DIP2C: variants seen among roughly 807,000 people sequenced by gnomAD.
The protein encoded by DIP2C is disco-interacting protein 2 homolog C.
DIP2C carries 33 observed loss-of-function variants against 192.4 expected under a neutral mutation model. The ratio of observed to expected loss-of-function variants is 0.17; its 90% CI spans 0.13 to 0.23. The LOEUF is 0.23. DIP2C is among the 10% of genes least tolerant of loss of function. The pLI, the probability that DIP2C is intolerant of heterozygous loss-of-function variation, is 1.00. For synonymous variants in DIP2C, 979 were observed against 864.1 expected, an observed-to-expected ratio of 1.13 and a Z score of -2.33; for missense variants, 1,537 against 2,110.1, an observed-to-expected ratio of 0.73 and a Z score of 5.32.
chr10:580,629 G>A lies in DIP2C; in HGVS notation c.86-94099C>T, dbSNP rs116961653. Among the ~76,000 whole-genome samples the A allele has an allele frequency of 3.2e-3, 487 of 152,140 alleles. 3 individuals are homozygous for A. Among genetic ancestry groups the A allele is most frequent in the Admixed American group, 6.8e-3 (104 of 15,294 alleles). Reference sequence around the variant, plus strand: ...CATGTACAATGGCAATACATAGTACGCATACACCACATACAAGTACACATT... The same window carrying A: ...CATGTACAATGGCAATACATAGTACACATACACCACATACAAGTACACATT... On this transcript the variant is annotated intron_variant, in intron 1 of 36. Transcript: ENST00000280886.
At chr10:325,616 T>C (rs1957239250) in intron 31 of DIP2C, among the ~76,000 whole-genome samples, 1 of 152,230 alleles carries the variant, frequency 6.6e-6, no homozygotes, top group Admixed American at 6.5e-5. Context: ...CTGCATTTCC[T>C]ATTTCTCCTA....
At chr10:662,914 G>T (rs925305828) in intron 1 of DIP2C, 1 of 717,424 alleles carries the variant, frequency 1.4e-6, no homozygotes, top group African/African-American at 1.7e-5. Flanking sequence ...ACACTCTCGG[G>T]AGAGGTGGAT....
At chr10:617,130 G>A (rs902624307) in intron 1 of DIP2C, among the ~76,000 whole-genome samples, 1 of 151,960 alleles carries the variant, frequency 6.6e-6, no homozygotes, top group South Asian at 2.1e-4. Flanking sequence ...AGACCTCCCA[G>A]GCACTGCCTC....
Position 689,470 on chromosome 10 carries a change from G to C in DIP2C, c.85+24C>G. 1.7e-6 allele frequency: 2 copies of C among 1,157,744 alleles called. No individual in the cohort carries two copies. The highest frequency in any genetic ancestry group is 2.1e-6 in the Non-Finnish European group (2 of 930,876). 71.7% of individuals were successfully genotyped at this position (1,157,744 alleles called of 1,614,324 possible). A position where few individuals can be genotyped will look rare whatever the true frequency, so the allele number is the denominator to read the frequency against. The stretch of plus-strand genomic sequence containing the variant: ...GCCCTCCCCGGTGACAGCGCGGCCC[G>C]GCCCGGGGCGGGGGCCCGGTTACCT... On this transcript the variant is annotated intron_variant, in intron 1 of 36. Coordinates refer to ENST00000280886, the MANE Select transcript of DIP2C (RefSeq NM_014974.3). This position sits in a 1 kb window ranked among gnomAD's most constrained non-coding sequence, Gnocchi z 6.1.
At chr10:596,838 G>A (rs1851738364) in intron 1 of DIP2C, among the ~76,000 whole-genome samples, 1 of 152,212 alleles carries the variant, frequency 6.6e-6, no homozygotes, top group Non-Finnish European at 1.5e-5. Context: ...CCACTGCCCA[G>A]GACAAAGACA....
intron 28 of DIP2C, 48 bp downstream of exon 28, chr10:344,761 C>T (rs777625826): frequency 1.1e-5 from 17 of 1,504,766 alleles, no homozygotes; most frequent in Middle Eastern, 2.3e-4. Flanking sequence ...ACCTCCAGCA[C>T]GCTCCGCAGT....
At chr10:341,594 G>A (rs553519686) in intron 28 of DIP2C, among the ~76,000 whole-genome samples, 2 of 152,154 alleles carry the variant, frequency 1.3e-5, no homozygotes, top group Non-Finnish European at 2.9e-5. Flanking sequence ...TCAGACACCC[G>A]GGACAATACG....
In DIP2C at chr10:440,872, T is replaced by C; in HGVS notation, c.393A>G (p.Pro131=). ...VQTSMDAYTP[P]DTSSGSEDEG... ...CGTGTCGGGGAGCGTGTCCCTTACC[T>C]GGAGGGGTGTAGGCGTCCATCGAGG... Residue 131 remains proline (P), a splice_region_variant and synonymous_variant, in exon 4 of 37, where the codon CCA becomes CCG. Transcript: ENST00000280886. 1.9e-6 allele frequency: 3 copies of C among 1,612,106 alleles called. No individual in the cohort carries two copies. Among genetic ancestry groups the C allele is most frequent in the Non-Finnish European group, 1.7e-6 (2 of 1,179,612 alleles).
intron 31 of DIP2C, among the ~76,000 whole-genome samples, chr10:316,357 GA>G (rs1443517274): frequency 2.0e-5 from 3 of 152,180 alleles, no homozygotes; most frequent in Non-Finnish European, 4.4e-5. Context: ...ACTGACACTG[GA>G]TGTCTTCTAT....
intron 1 of DIP2C, among the ~76,000 whole-genome samples, chr10:524,935 T>C (rs1846959967): frequency 8.2e-6 from 1 of 122,480 alleles, no homozygotes; most frequent in Admixed American, 8.0e-5. Context: ...GAGGAGATGG[T>C]CTAGACACAC....
rs1055556145 is a variant in DIP2C at position 306,071 on chromosome 10, TATG to T, written c.3986+3957_3986+3959del. 5.3e-5 allele frequency among the ~76,000 whole-genome samples: 8 copies of T among 152,044 alleles called. No homozygotes were observed. In the South Asian group the frequency reaches 1.0e-3, roughly 20 times the overall value. The stretch of plus-strand genomic sequence containing the variant: ...CCAAATTGGAAGTCATTGAGAGACT[TATG>T]ATTTCATTTTAAATGAATTACACTG... On this transcript the variant is annotated intron_variant, in intron 32 of 36. Coordinates refer to ENST00000280886, the MANE Select transcript of DIP2C (RefSeq NM_014974.3).
chr10:668,136 A>G (rs1857222439), intron 1 of DIP2C: 1 of 152,162 alleles, frequency 6.6e-6, no homozygotes, highest in African/African-American at 2.4e-5. Flanking sequence ...TACAACATAT[A>G]CAACACAACA....
intron 1 of DIP2C, among the ~76,000 whole-genome samples, chr10:531,512 C>T (rs563631982): frequency 6.6e-6 from 1 of 152,238 alleles, no homozygotes; most frequent in African/African-American, 2.4e-5. Context: ...AGGTATCATA[C>T]GTGCCGTTCA....
chr10:348,800 AC>A, intron 25 of DIP2C, 38 bp from the exon 26 acceptor site: 1 of 1,609,524 alleles, frequency 6.2e-7, no homozygotes, highest in Non-Finnish European at 8.5e-7. Context: ...GAAGCAGACC[AC>A]GCTGCTGAGT....
intron 17 of DIP2C, among the ~76,000 whole-genome samples, chr10:378,746 TGTGAACACATGCCTAGACAC>T (rs1325648202): frequency 6.7e-6 from 1 of 149,122 alleles, no homozygotes; most frequent in African/African-American, 2.6e-5. Context: ...TAAAGACACA[TGTGAACACATGCCTAGACAC>T]GTGAACACAC....
chr10:685,658 T>C (rs1219375629), intron 1 of DIP2C, among the ~76,000 whole-genome samples: 1 of 152,056 alleles, frequency 6.6e-6, no homozygotes, highest in Non-Finnish European at 1.5e-5. Flanking sequence ...TTTAAAATAA[T>C]AATAATAATA....
chr10:311,396 G>A (rs1359290829), intron 31 of DIP2C: 15 of 713,490 alleles, frequency 2.1e-5, no homozygotes, highest in South Asian at 7.3e-5. Context: ...TTGCCCGGCC[G>A]GCAGCACCCA....
At chr10:413,480 G>T (rs1965316339) in intron 8 of DIP2C, among the ~76,000 whole-genome samples, 1 of 152,192 alleles carries the variant, frequency 6.6e-6, no homozygotes, top group South Asian at 2.1e-4. Flanking sequence ...TAGAGCTATG[G>T]TCACTGCTTC....
At chr10:577,805 TTTC>T (rs953398926) in intron 1 of DIP2C, among the ~76,000 whole-genome samples, 5 of 150,042 alleles carry the variant, frequency 3.3e-5, no homozygotes, top group African/African-American at 1.3e-4. Flanking sequence ...TTTTGTTTTG[TTTC>T]TTTTGTTTTT....
Sources: allele counts gnomAD v4.1 joint callset (sites outside exome capture counted in the v4.1 genomes callset), GRCh38; gene constraint gnomAD v4.1.1; non-coding constraint Gnocchi (gnomAD v3.1); transcripts MANE v1.5; gene names NCBI Gene and HGNC (gene_info 2026-07-23, HGNC 2026-07-21).